TFDP2: variants seen among roughly 807,000 people sequenced by gnomAD.
TFDP2 encodes the protein transcription factor Dp-2, also known as transcription factor Dp-2 (E2F dimerization partner 2).
Under a neutral mutation model 59.3 loss-of-function variants are expected in TFDP2, and 17 were observed. That is an observed-to-expected ratio of 0.29 (90% confidence interval 0.20 to 0.43). The LOEUF is 0.43. Ranked by LOEUF, TFDP2 falls within the 20% of genes least tolerant of loss-of-function variation. The pLI is 1.00. For missense variants in TFDP2, 391 were observed against 528.8 expected, an observed-to-expected ratio of 0.74 and a Z score of 2.56; for synonymous variants, 180 against 194.7, an observed-to-expected ratio of 0.92 and a Z score of 0.63.
rs141475604 is a variant in TFDP2, at chr3:142,107,377, G to A, written c.-92-5536C>T. Among the ~76,000 whole-genome samples the A allele has an allele frequency of 4.0e-3, 614 of 151,722 alleles. 6 individuals carry two copies. Among genetic ancestry groups the A allele is most frequent in the African/African-American group, 0.014 (574 of 41,344 alleles). ...CTCCCAAGTAGCTGGAATTACAGGC[G>A]CGTGCCACCACGTCTGGCTAATTTT... is the stretch of plus-strand genomic sequence containing the variant. On this transcript the variant is annotated intron_variant, in intron 1 of 12. Transcript: ENST00000489671.
chr3:141,969,920 G>A (rs948428266), intron 9 of TFDP2, among the ~76,000 whole-genome samples, 153 bp downstream of exon 9: 2 of 152,184 alleles, frequency 1.3e-5, no homozygotes, highest in African/African-American at 2.4e-5. Flanking sequence ...GGCAGAGCAC[G>A]TGGATGGCAA....
intron 9 of TFDP2, among the ~76,000 whole-genome samples, chr3:141,966,870 T>TA (rs966208421): frequency 1.9e-4 from 21 of 108,930 alleles, no homozygotes; most frequent in East Asian, 5.1e-4. Context: ...CATGAGCTTA[T>TA]AAAAAAAAAT....
At chr3:142,058,123 CTTGT>C (rs1200960496) in intron 3 of TFDP2, among the ~76,000 whole-genome samples, 5 of 152,082 alleles carry the variant, frequency 3.3e-5, no homozygotes, top group Non-Finnish European at 5.9e-5. Flanking sequence ...TGATTTAACC[CTTGT>C]TTATTTATAA....
At chr3:141,986,819 C>T (rs1942153996) in intron 6 of TFDP2, among the ~76,000 whole-genome samples, 1 of 152,060 alleles carries the variant, frequency 6.6e-6, no homozygotes, top group South Asian at 2.1e-4. Context: ...CACTGTCTAT[C>T]CTTTTCATTG....
In TFDP2 at chr3:142,089,121, G is replaced by A. The variant is rs530881315; in HGVS notation, c.82+3940C>T. Among the ~76,000 whole-genome samples the A allele has an allele frequency of 2.2e-4, 34 of 152,046 alleles. No homozygotes were observed. The East Asian group carries it at 2.3e-3, about 10-fold the overall frequency. ...TGGGATTACAGGTGTGAGTCACTGC[G>A]TCCAGCAGGGTTTAAGATCTTTAAC... On this transcript the variant is annotated intron_variant, in intron 3 of 12. Coordinates refer to ENST00000489671, the MANE Select transcript of TFDP2 (RefSeq NM_001178139.2).
intron 3 of TFDP2, among the ~76,000 whole-genome samples, chr3:142,048,205 A>G (rs1290434328): frequency 6.6e-6 from 1 of 152,100 alleles, no homozygotes. Flanking sequence ...TCTTGAGCCC[A>G]GGAGTTCAAG....
intron 6 of TFDP2, among the ~76,000 whole-genome samples, chr3:141,988,190 C>G (rs189918832): frequency 1.2e-4 from 19 of 152,284 alleles, no homozygotes; most frequent in Non-Finnish European, 5.9e-5. Flanking sequence ...AAGAGAATCG[C>G]CTGGGTTGGC....
chr3:142,060,805 AG>A, intron 3 of TFDP2, among the ~76,000 whole-genome samples: 1 of 152,244 alleles, frequency 6.6e-6, no homozygotes, highest in East Asian at 1.9e-4. Flanking sequence ...AAGCTCTAAA[AG>A]TAACACAAAC....
chr3:142,003,973 C>T (rs1285703752), intron 4 of TFDP2, among the ~76,000 whole-genome samples: 3 of 152,182 alleles, frequency 2.0e-5, no homozygotes, highest in Non-Finnish European at 2.9e-5. Flanking sequence ...GGGCAAGACT[C>T]ATAAAAATTT....
At chr3:142,009,546 T>C (rs1354164114) in intron 3 of TFDP2, among the ~76,000 whole-genome samples, 1 of 151,884 alleles carries the variant, frequency 6.6e-6, no homozygotes. Context: ...ACCCTGTCTC[T>C]ACTAAAAATA....
rs2062981578 is a variant in TFDP2, at chr3:142,142,076, A to C, written c.-93+7107T>G. On this transcript the variant is annotated intron_variant, in intron 1 of 12. Transcript: ENST00000489671. ...CCCACTGTCACTACTGTTATTCAAC[A>C]AAGTACTGGAAGTCCTATCTAGAGC... is the stretch of plus-strand genomic sequence containing the variant. Among the ~76,000 whole-genome samples, 6 of 152,338 alleles carry C rather than the reference A, an allele frequency of 3.9e-5. No homozygotes were observed. In the South Asian group the frequency reaches 1.0e-3, roughly 26 times the overall value.
At chr3:142,139,161 T>C (rs1480920622) in intron 1 of TFDP2, among the ~76,000 whole-genome samples, 1 of 152,220 alleles carries the variant, frequency 6.6e-6, no homozygotes, top group Non-Finnish European at 1.5e-5. Context: ...GTTTAAAGTC[T>C]GTTTTATCAG....
In TFDP2 at chr3:141,946,145, GT is replaced by G; in HGVS notation, c.*6367del. The G allele has an allele frequency of 6.6e-6, 1 of 152,442 alleles. No individual in the cohort carries two copies. The highest frequency in any genetic ancestry group is 2.4e-5 in the African/African-American group (1 of 41,576). The allele number at this position is 152,442 out of a possible 1,614,324, so 9.4% of individuals were successfully genotyped here. On this transcript the variant is annotated 3_prime_UTR_variant, in exon 13 of 13. Transcript: ENST00000489671. ...CCCTCACGGAGGGAAGAAGCTCTGG[GT>G]TTTGGTGCAGGCTCTGCCACAGACA...
intron 3 of TFDP2, among the ~76,000 whole-genome samples, chr3:142,017,518 A>G (rs1203009433): frequency 6.7e-6 from 1 of 149,832 alleles, no homozygotes; most frequent in African/African-American, 2.5e-5. Flanking sequence ...AAATATCCTC[A>G]GCATATGCAA....
In TFDP2 at chr3:141,980,299, G is replaced by A. The variant is rs550534067; in HGVS notation, c.357-1617C>T. Among the ~76,000 whole-genome samples the A allele has an allele frequency of 3.3e-5, 5 of 151,722 alleles. No homozygotes were observed. The East Asian group carries it at 7.7e-4, about 23-fold the overall frequency. On this transcript the variant is annotated intron_variant, in intron 6 of 12. Transcript: ENST00000489671. ...AACAGAAAAAAGCTTATGGAATAAG[G>A]ATATAAAGAAAATATTTTTGTACAG...
In TFDP2 at chr3:141,952,381, G is replaced by T; in HGVS notation, c.*132C>A. 2 of 804,594 alleles carry T rather than the reference G, an allele frequency of 2.5e-6. No individual in the cohort carries two copies. The highest frequency in any genetic ancestry group is 3.7e-6 in the Non-Finnish European group (2 of 539,500). 49.8% of individuals were successfully genotyped at this position (804,594 alleles called of 1,614,324 possible). A position where few individuals can be genotyped will look rare whatever the true frequency, so the allele number is the denominator to read the frequency against. On this transcript the variant is annotated 3_prime_UTR_variant, in exon 13 of 13. Coordinates refer to ENST00000489671, the MANE Select transcript of TFDP2 (RefSeq NM_001178139.2). ...TCAGCCTTCATGTGATTTGCTTATT[G>T]TGTTTCTCTAGTTTTCACTGAACAC...
At position 141,995,003 on chromosome 3, in the gene TFDP2, A is replaced by C; in HGVS notation, c.308+17T>G. On this transcript the variant is annotated intron_variant, in intron 5 of 12. Coordinates refer to ENST00000489671, the MANE Select transcript of TFDP2 (RefSeq NM_001178139.2). ...TTTTTTTAAGGTTTTAAAAATAGTAACTTGCAACACTCTTACCCAGGGACC... is the reference window on the plus strand; with the variant it reads ...TTTTTTTAAGGTTTTAAAAATAGTACCTTGCAACACTCTTACCCAGGGACC... The C allele has an allele frequency of 6.5e-7, 1 of 1,531,288 alleles. No individual in the cohort carries two copies. Among genetic ancestry groups the C allele is most frequent in the Non-Finnish European group, 8.8e-7 (1 of 1,140,602 alleles). The allele number at this position is 1,531,288 out of a possible 1,614,324, so 94.9% of individuals were successfully genotyped here. A position where few individuals can be genotyped will look rare whatever the true frequency, so the allele number is the denominator to read the frequency against.
rs1392501493 is a variant in TFDP2, at chr3:142,000,303, G to A, written c.186+5138C>T. ...AAATGAAAGTGCCGGCAGATTCAGT[G>A]CCTGGTGAGGGTTTATTCTCTGCTT... On this transcript the variant is annotated intron_variant, in intron 4 of 12. Coordinates refer to ENST00000489671, the MANE Select transcript of TFDP2 (RefSeq NM_001178139.2). 7.1e-6 allele frequency: 5 copies of A among 702,738 alleles called. No homozygotes were observed. In the African/African-American group the frequency reaches 8.7e-5, roughly 12 times the overall value. The allele number at this position is 702,738 out of a possible 1,614,324, so 43.5% of individuals were successfully genotyped here.
In TFDP2 at chr3:142,132,593, A is replaced by C. The variant is rs564540653; in HGVS notation, c.-93+16590T>G. 6.7e-5 allele frequency among the ~76,000 whole-genome samples: 10 copies of C among 149,206 alleles called. No homozygotes were observed. The East Asian group carries it at 1.4e-3, about 20-fold the overall frequency. On this transcript the variant is annotated intron_variant, in intron 1 of 12. Coordinates refer to ENST00000489671, the MANE Select transcript of TFDP2 (RefSeq NM_001178139.2). ...ACCCCGTCTCTAGAAAAAATACAAA[A>C]AATTAGCCGGGCATGGTGGTAAGCG...
Sources: allele counts gnomAD v4.1 joint callset (sites outside exome capture counted in the v4.1 genomes callset), GRCh38; gene constraint gnomAD v4.1.1; transcripts MANE v1.5; gene names NCBI Gene and HGNC (gene_info 2026-07-23, HGNC 2026-07-21).